The following BRAF variants were observed in gnomAD, a reference collection of about 807,000 sequenced individuals.
BRAF encodes serine/threonine-protein kinase B-raf.
BRAF carries 16 observed loss-of-function variants against 104.6 expected under a neutral mutation model. The observed-to-expected ratio is 0.15, with a 90% CI of 0.10 to 0.23. The LOEUF is 0.23. BRAF is among the 10% of genes least tolerant of loss of function. BRAF has a pLI of 1.00. For missense variants in BRAF, 541 were observed against 937.3 expected, an observed-to-expected ratio of 0.58 and a Z score of 5.52; for synonymous variants, 310 against 341.6, an observed-to-expected ratio of 0.91 and a Z score of 1.02.
Position 140,850,174 on chromosome 7 carries a change from T to C in BRAF, c.177A>G (p.Glu59=). 1 of 1,611,910 alleles carries C rather than the reference T, an allele frequency of 6.2e-7. No homozygotes were observed. The highest frequency in any genetic ancestry group is 8.5e-7 in the Non-Finnish European group (1 of 1,178,958). ...ATTTGTCCAATAGGGCCTCTATATG[T>C]TCCTGTGTCAACTTAATCATTTGTT... ...NIKQMIKLTQ[E]HIEALLDKFG... The change falls in exon 2 of 20, where the codon GAA becomes GAG. Residue 59 remains glutamate (E), a synonymous_variant. Coordinates refer to ENST00000644969, the MANE Select transcript of BRAF (RefSeq NM_001374258.1).
intron 1 of BRAF, among the ~76,000 whole-genome samples, chr7:140,908,375 T>C (rs969531084): frequency 2.6e-5 from 4 of 152,182 alleles, no homozygotes; most frequent in African/African-American, 9.7e-5. Flanking sequence ...TTTGATTACT[T>C]GTGACAATGT....
At chr7:140,804,045 C>T (rs746120636) in intron 5 of BRAF, among the ~76,000 whole-genome samples, 7 of 151,860 alleles carry the variant, frequency 4.6e-5, no homozygotes, top group Non-Finnish European at 8.8e-5. Flanking sequence ...ACCACCATGC[C>T]TAGCTAACGT....
At chr7:140,798,459 A>G (rs1802726285) in intron 7 of BRAF, among the ~76,000 whole-genome samples, 2 of 149,984 alleles carry the variant, frequency 1.3e-5, no homozygotes, top group South Asian at 4.2e-4. Flanking sequence ...ACGGGGTTTC[A>G]CTGTGTTAGC....
At chr7:140,766,450 AC>A (rs1355353474) in intron 14 of BRAF, among the ~76,000 whole-genome samples, 9 of 152,176 alleles carry the variant, frequency 5.9e-5, no homozygotes, top group South Asian at 2.1e-4. Context: ...AATAAAAAAA[AC>A]AAAACAACAA....
intron 2 of BRAF, among the ~76,000 whole-genome samples, chr7:140,839,865 A>G (rs6947950): frequency 0.3 from 45,468 of 152,116 alleles, 10,846 homozygotes; most frequent in African/African-American, 0.67. Context: ...CCCGTCAGGA[A>G]GTTGCCTCAA....
At chr7:140,732,574 G>C (rs1263810735) in intron 19 of BRAF, 1 of 152,166 alleles carries the variant, frequency 6.6e-6, no homozygotes, top group African/African-American at 2.4e-5. Context: ...TTGGAGGCAT[G>C]TTTTACTGGC....
At chr7:140,892,685 A>G (rs190132521) in intron 1 of BRAF, among the ~76,000 whole-genome samples, 68 of 152,332 alleles carry the variant, frequency 4.5e-4, no homozygotes, top group Middle Eastern at 3.4e-3. Flanking sequence ...AAAGGGCAAG[A>G]TCACAGAGGA....
intron 2 of BRAF, among the ~76,000 whole-genome samples, chr7:140,845,787 C>T (rs1321987017): frequency 6.6e-6 from 1 of 152,136 alleles, no homozygotes; most frequent in Non-Finnish European, 1.5e-5. Context: ...AAGCGATTCT[C>T]CTGCCTCAGC....
At chr7:140,793,889 G>A (rs1319560764) in intron 8 of BRAF, among the ~76,000 whole-genome samples, 1 of 152,156 alleles carries the variant, frequency 6.6e-6, no homozygotes, top group Non-Finnish European at 1.5e-5. Context: ...GCCTCCCAAA[G>A]TGTTGGGATT....
Position 140,924,636 on chromosome 7 carries a change from A to G in BRAF, c.68T>C (p.Met23Thr). ...EPGQALFNGD[M>T]EPEAGAGAGA... Reference sequence around the variant, plus strand: ...GGCGCCGGCGCCGGCCTCGGGCTCCATGTCCCCGTTGAACAGAGCCTGGCC... The same window carrying G: ...GGCGCCGGCGCCGGCCTCGGGCTCCGTGTCCCCGTTGAACAGAGCCTGGCC... The change falls in exon 1 of 20, where the codon ATG (methionine) becomes ACG (threonine). Residue 23 changes from methionine to threonine, a missense_variant. This residue lies in a region of BRAF where 82 missense variants were observed against 65.9 expected (regional missense o/e 1.24). Transcript: ENST00000644969. This position sits in a 1 kb window ranked among gnomAD's most constrained non-coding sequence, Gnocchi z 4.2. 2 of 1,490,644 alleles carry G rather than the reference A, an allele frequency of 1.3e-6. No homozygotes were observed. The highest frequency in any genetic ancestry group is 1.8e-6 in the Non-Finnish European group (2 of 1,113,284). 92.3% of individuals were successfully genotyped at this position (1,490,644 alleles called of 1,614,324 possible).
chr7:140,832,616 TAC>T, intron 3 of BRAF, among the ~76,000 whole-genome samples: 1 of 152,330 alleles, frequency 6.6e-6, no homozygotes, highest in African/African-American at 2.4e-5. Flanking sequence ...GTTCACGATA[TAC>T]AGTTTTTCTG....
chr7:140,875,568 G>C (rs10252634), intron 1 of BRAF, among the ~76,000 whole-genome samples: 1 of 152,158 alleles, frequency 6.6e-6, no homozygotes, highest in African/African-American at 2.4e-5. Flanking sequence ...AGTACAGACA[G>C]GGTTTCACTA....
At chr7:140,740,287 A>AT (rs545469313) in intron 17 of BRAF, 77 of 207,864 alleles carry the variant, frequency 3.7e-4, no homozygotes, top group African/African-American at 1.7e-3. Context: ...AAAAAAAAAA[A>AT]TTTATTCAGC....
At chr7:140,771,168 G>C (rs183546641) in intron 14 of BRAF, among the ~76,000 whole-genome samples, 3 of 152,172 alleles carry the variant, frequency 2.0e-5, no homozygotes, top group Admixed American at 2.0e-4. Context: ...TGACACATTT[G>C]AAAGTCCTAA....
Position 140,848,457 on chromosome 7 carries a change from A to C in BRAF, c.240+1654T>G, listed in dbSNP as rs115042418. Reference sequence around the variant, plus strand: ...AACACAGTACTGGGCACAGAATAAGAAGCTCTAAGGTTTGTTGTTAGTGAT... The same window carrying C: ...AACACAGTACTGGGCACAGAATAAGCAGCTCTAAGGTTTGTTGTTAGTGAT... On this transcript the variant is annotated intron_variant, in intron 2 of 19. Transcript: ENST00000644969. Among the ~76,000 whole-genome samples the C allele has an allele frequency of 7.7e-3, 1,170 of 152,318 alleles. 19 individuals carry two copies. The highest frequency in any genetic ancestry group is 0.027 in the African/African-American group (1,106 of 41,554).
At position 140,886,857 on chromosome 7, in the gene BRAF, T is replaced by C. The variant is rs557278213; in HGVS notation, c.139-36645A>G. Among the ~76,000 whole-genome samples the C allele has an allele frequency of 3.3e-4, 51 of 152,348 alleles. No individual in the cohort carries two copies. The South Asian group carries it at 4.3e-3, about 13-fold the overall frequency. ...GCCCAGGACATAAGTAATTTTTTAA[T>C]GTAGTTTTTATTGTTATAAATGGCT... On this transcript the variant is annotated intron_variant, in intron 1 of 19. Coordinates refer to ENST00000644969, the MANE Select transcript of BRAF (RefSeq NM_001374258.1).
chr7:140,766,441 AT>A (rs1184729207), intron 14 of BRAF, among the ~76,000 whole-genome samples: 1 of 152,162 alleles, frequency 6.6e-6, no homozygotes, highest in African/African-American at 2.4e-5. Context: ...AAGTATAATA[AT>A]AAAAAAAACA....
chr7:140,795,619 T>C (rs1026566015), intron 7 of BRAF, among the ~76,000 whole-genome samples: 1 of 152,204 alleles, frequency 6.6e-6, no homozygotes, highest in African/African-American at 2.4e-5. Flanking sequence ...TGAAAGTCAG[T>C]CTCTGAATAA....
At chr7:140,890,591 T>C (rs781194840) in intron 1 of BRAF, among the ~76,000 whole-genome samples, 4 of 152,218 alleles carry the variant, frequency 2.6e-5, no homozygotes, top group Non-Finnish European at 4.4e-5. Flanking sequence ...AAATGCTACA[T>C]ATCAGTGTCT....
Sources: gnomAD v4.1 joint callset for allele counts (sites outside exome capture counted in the v4.1 genomes callset) on GRCh38, gnomAD v4.1.1 for gene constraint, gnomAD v4.1.1 regional missense constraint, Gnocchi (gnomAD v3.1) non-coding constraint, MANE v1.5 for transcripts, NCBI Gene and HGNC (gene_info 2026-07-23, HGNC 2026-07-21) for gene names.